Variants in SPIDR observed in about 807,000 individuals in gnomAD.
The protein encoded by SPIDR is DNA repair-scaffolding protein.
Under a neutral mutation model 104.6 loss-of-function variants are expected in SPIDR, and 93 were observed. The observed-to-expected ratio is 0.89, with a 90% CI of 0.75 to 1.06. The LOEUF is 1.06. Among genes scored for constraint, SPIDR ranks in the 50% least tolerant of loss-of-function variants. The pLI is 0.00. For synonymous variants in SPIDR, 431 were observed against 416.9 expected (o/e 1.03, Z -0.41); for missense variants, 1,154 against 1,111.2 (o/e 1.04, Z -0.55).
chr8:47,282,972 C>T (rs1554559995), intron 2 of SPIDR, among the ~76,000 whole-genome samples: 1 of 152,072 alleles, frequency 6.6e-6, no homozygotes, highest in East Asian at 1.9e-4. Flanking sequence ...TCTCCTGCCT[C>T]AGCCTCCCGA....
intron 10 of SPIDR, among the ~76,000 whole-genome samples, chr8:47,599,515 C>T (rs1378402368): frequency 2.0e-5 from 3 of 152,154 alleles, no homozygotes; most frequent in African/African-American, 7.2e-5. Context: ...GGTTGTCATA[C>T]CTCAAAAGAC....
Position 47,724,543 on chromosome 8 carries a change from C to T in SPIDR, c.2342-2657C>T, listed in dbSNP as rs766872526. Among the ~76,000 whole-genome samples, 30 of 152,300 alleles carry T rather than the reference C, an allele frequency of 2.0e-4. 1 individual carries two copies. The highest frequency in any genetic ancestry group is 6.0e-4 in the African/African-American group (25 of 41,556). ...CAGAAGATCTCAGTGATGACATGTC[C>T]GCTGCATGGCTCCAAGGGGACCCCT... On this transcript the variant is annotated intron_variant, in intron 16 of 19. Coordinates refer to ENST00000297423, the MANE Select transcript of SPIDR (RefSeq NM_001080394.4).
chr8:47,335,438 T>G (rs953650197), intron 5 of SPIDR, among the ~76,000 whole-genome samples: 1 of 151,920 alleles, frequency 6.6e-6, no homozygotes, highest in African/African-American at 2.4e-5. Context: ...GTTTATGTGG[T>G]TTTTTGTTTG....
chr8:47,472,323 A>G (rs560532558), intron 8 of SPIDR, among the ~76,000 whole-genome samples: 77 of 152,212 alleles, frequency 5.1e-4, no homozygotes, highest in African/African-American at 1.6e-3. Flanking sequence ...GTAACTCAAG[A>G]AGTCTTGGTA....
chr8:47,434,015 C>A (rs781949927), intron 7 of SPIDR, among the ~76,000 whole-genome samples: 1 of 152,174 alleles, frequency 6.6e-6, no homozygotes, highest in Non-Finnish European at 1.5e-5. Context: ...AAGTAACTAA[C>A]AGAAACACCC....
chr8:47,429,459 T>A (rs1286644176), intron 7 of SPIDR, among the ~76,000 whole-genome samples: 1 of 152,234 alleles, frequency 6.6e-6, no homozygotes, highest in Non-Finnish European at 1.5e-5. Flanking sequence ...TGCACTTTTA[T>A]CTCTTAATGG....
chr8:47,678,138 AGCTGTGT>A (rs1440541685), intron 11 of SPIDR, among the ~76,000 whole-genome samples: 1 of 152,162 alleles, frequency 6.6e-6, no homozygotes, highest in East Asian at 1.9e-4. Flanking sequence ...CATGGCATTG[AGCTGTGT>A]GCCAGATTTG....
chr8:47,437,613 A>G (rs2068598824), intron 7 of SPIDR, among the ~76,000 whole-genome samples: 1 of 152,104 alleles, frequency 6.6e-6, no homozygotes, highest in Non-Finnish European at 1.5e-5. Context: ...GAAGACATTT[A>G]TGCAGCCAAA....
At chr8:47,300,355 A>G (rs1170562375) in intron 5 of SPIDR, among the ~76,000 whole-genome samples, 1 of 151,902 alleles carries the variant, frequency 6.6e-6, no homozygotes, top group Non-Finnish European at 1.5e-5. Context: ...CTTCTTTATT[A>G]GTCTTGCTAG....
chr8:47,713,450 C>A, intron 15 of SPIDR, 39 bp from the exon 16 acceptor site: 2 of 1,612,038 alleles, frequency 1.2e-6, no homozygotes, highest in Non-Finnish European at 1.7e-6. Context: ...TTCACTTTTT[C>A]TTCAAGGCTT....
At chr8:47,367,974 C>A (rs939961847) in intron 5 of SPIDR, among the ~76,000 whole-genome samples, 3 of 152,116 alleles carry the variant, frequency 2.0e-5, no homozygotes, top group Non-Finnish European at 1.5e-5. Context: ...CAAAGTACCA[C>A]AGATCGAGTG....
intron 7 of SPIDR, among the ~76,000 whole-genome samples, chr8:47,423,845 A>G (rs757141957): frequency 6.6e-6 from 1 of 152,152 alleles, no homozygotes; most frequent in African/African-American, 2.4e-5. Flanking sequence ...AATACGTTCT[A>G]TTTATCTTCA....
chr8:47,666,408 C>T (rs1229073233), intron 10 of SPIDR, among the ~76,000 whole-genome samples: 1 of 152,154 alleles, frequency 6.6e-6, no homozygotes, highest in Non-Finnish European at 1.5e-5. Flanking sequence ...TTCACCTGCA[C>T]TTGAATTCTG....
intron 8 of SPIDR, among the ~76,000 whole-genome samples, chr8:47,478,109 A>G (rs1308605755): frequency 6.6e-6 from 1 of 152,206 alleles, no homozygotes; most frequent in African/African-American, 2.4e-5. Context: ...GAAAAGATGC[A>G]GTATGGAAGG....
chr8:47,596,232 T>C (rs2061603735), intron 9 of SPIDR, among the ~76,000 whole-genome samples: 1 of 152,234 alleles, frequency 6.6e-6, no homozygotes, highest in African/African-American at 2.4e-5. Context: ...ATTATGTGTC[T>C]TTAATCTTTA....
intron 8 of SPIDR, among the ~76,000 whole-genome samples, chr8:47,570,612 GAAAA>G (rs2058397896): frequency 6.6e-6 from 1 of 152,154 alleles, no homozygotes; most frequent in African/African-American, 2.4e-5. Context: ...TCAAGAAAGT[GAAAA>G]GTTAACCCAC....
chr8:47,655,168 A>G (rs2072508965), intron 10 of SPIDR, among the ~76,000 whole-genome samples: 1 of 152,136 alleles, frequency 6.6e-6, no homozygotes, highest in Non-Finnish European at 1.5e-5. Flanking sequence ...GCTATTGTGA[A>G]TGGTGCCACA....
chr8:47,343,294 G>A (rs1456612408), intron 5 of SPIDR, among the ~76,000 whole-genome samples: 1 of 152,138 alleles, frequency 6.6e-6, no homozygotes, highest in Non-Finnish European at 1.5e-5. Flanking sequence ...TTTTGTGTTA[G>A]GGGAGAGACT....
intron 16 of SPIDR, among the ~76,000 whole-genome samples, chr8:47,720,091 A>C (rs1273935453): frequency 6.6e-6 from 1 of 152,232 alleles, no homozygotes; most frequent in African/African-American, 2.4e-5. Flanking sequence ...CCAGAATGTC[A>C]TATAGTTGGA....
Sources: allele counts gnomAD v4.1 joint callset (sites outside exome capture counted in the v4.1 genomes callset), GRCh38; gene constraint gnomAD v4.1.1; transcripts MANE v1.5; gene names NCBI Gene and HGNC (gene_info 2026-07-23, HGNC 2026-07-21).